The following ME1 variants were observed in gnomAD, a reference collection of about 807,000 sequenced individuals.
ME1 encodes NADP-dependent malic enzyme.
In ME1, 74 loss-of-function variants were observed where a neutral mutation model predicts 66.4. The observed-to-expected ratio is 1.11, with a 90% CI of 0.92 to 1.35. The LOEUF (loss-of-function observed/expected upper bound fraction) is 1.35. Among genes scored for constraint, ME1 ranks in the 40% most tolerant of loss-of-function variants. The pLI, the probability that ME1 is intolerant of heterozygous loss-of-function variation, is 0.00. For synonymous variants in ME1, 251 were observed against 235.6 expected, an observed-to-expected ratio of 1.07 and a Z score of -0.60; for missense variants, 750 against 694.1, an observed-to-expected ratio of 1.08 and a Z score of -0.90.
intron 3 of ME1, among the ~76,000 whole-genome samples, chr6:83,357,931 CTCTCTATATATATATATA>C (rs1768926112): frequency 1.9e-5 from 1 of 51,758 alleles, no homozygotes; most frequent in South Asian, 8.4e-4. Context: ...CTCTCTCTCT[CTCTCTATATATATATATA>C]TATATATATA....
intron 6 of ME1, among the ~76,000 whole-genome samples, chr6:83,270,365 C>A (rs1046534382): frequency 6.6e-6 from 1 of 151,966 alleles, no homozygotes; most frequent in African/African-American, 2.4e-5. Flanking sequence ...ACGATCTACT[C>A]CACATAAAAA....
Position 83,393,053 on chromosome 6 carries a change from G to A in ME1, c.362+5314C>T, listed in dbSNP as rs1440479916. ...CCTCTACTGGTGCTGCCAAGGCTGT[G>A]AGGAAGGTCATCCCTGAGCTAAACG... On this transcript the variant is annotated intron_variant, in intron 3 of 13. Coordinates refer to ENST00000369705, the MANE Select transcript of ME1 (RefSeq NM_002395.6). The A allele has an allele frequency of 5.8e-6, 8 of 1,389,904 alleles. No individual in the cohort carries two copies. The Admixed American group carries it at 1.1e-4, about 19-fold the overall frequency. The allele number at this position is 1,389,904 out of a possible 1,614,324, so 86.1% of individuals were successfully genotyped here. A position where few individuals can be genotyped will look rare whatever the true frequency, so the allele number is the denominator to read the frequency against.
At chr6:83,365,786 T>A (rs1769091431) in intron 3 of ME1, among the ~76,000 whole-genome samples, 1 of 152,162 alleles carries the variant, frequency 6.6e-6, no homozygotes, top group Admixed American at 6.5e-5. Flanking sequence ...GAGATTCAGC[T>A]TCTAGCTATC....
chr6:83,357,935 CTATATATATATATATA>C (rs60624497), intron 3 of ME1, among the ~76,000 whole-genome samples: 131 of 30,046 alleles, frequency 4.4e-3, no homozygotes, highest in African/African-American at 0.015. Flanking sequence ...CTCTCTCTCT[CTATATATATATATATA>C]TATATATATA....
intron 12 of ME1, among the ~76,000 whole-genome samples, chr6:83,221,761 G>T (rs1790095435): frequency 6.6e-6 from 1 of 151,626 alleles, no homozygotes. Context: ...AAAAAGAGAA[G>T]AAAAAACTGG....
rs189434017 is a variant in ME1 at position 83,328,530 on chromosome 6, T to A, written c.601-13117A>T. 3.4e-3 allele frequency among the ~76,000 whole-genome samples: 511 copies of A among 152,312 alleles called. 3 individuals are homozygous for A. The highest frequency in any genetic ancestry group is 0.011 in the African/African-American group (468 of 41,562). ...AGTTTTTTTAATTTCATAATTTTAA[T>A]TAAGATAATCAAGGCTTGAATAATT... On this transcript the variant is annotated intron_variant, in intron 5 of 13. Transcript: ENST00000369705.
At chr6:83,359,217 C>T (rs137982573) in intron 3 of ME1, among the ~76,000 whole-genome samples, 11 of 152,258 alleles carry the variant, frequency 7.2e-5, no homozygotes, top group African/African-American at 2.4e-4. Flanking sequence ...TGGGCAGAGG[C>T]GCTCAAGATA....
intron 9 of ME1, among the ~76,000 whole-genome samples, chr6:83,237,340 G>GGAAAGAAAGAAAAAGAAAGAAA (rs1214894509): frequency 3.4e-5 from 4 of 118,998 alleles, no homozygotes; most frequent in Non-Finnish European, 6.8e-5. Context: ...AAGGAAGGAA[G>GGAAAGAAAGAAAAAGAAAGAAA]GAAAGAAAGA....
chr6:83,224,917 C>T (rs916650706), intron 11 of ME1, among the ~76,000 whole-genome samples: 2 of 151,052 alleles, frequency 1.3e-5, no homozygotes, highest in African/African-American at 4.9e-5. Context: ...AAGGCATGAA[C>T]TTGGCTGGGC....
At chr6:83,321,106 G>C (rs116736584) in intron 5 of ME1, among the ~76,000 whole-genome samples, 4,153 of 152,246 alleles carry the variant, frequency 0.027, 199 homozygotes, top group African/African-American at 0.092. Context: ...TGCCCTGAGC[G>C]ACTATGCACT....
chr6:83,347,201 C>A (rs1768705077), intron 4 of ME1, among the ~76,000 whole-genome samples: 1 of 152,206 alleles, frequency 6.6e-6, no homozygotes, highest in South Asian at 2.1e-4. Context: ...ATCCACCCGT[C>A]TCAGCCTTCC....
chr6:83,290,625 T>C (rs1234735351), intron 6 of ME1, among the ~76,000 whole-genome samples: 1 of 152,182 alleles, frequency 6.6e-6, no homozygotes. Flanking sequence ...GAGAGTTCTG[T>C]AGATGTCTAT....
At position 83,364,196 on chromosome 6, in the gene ME1, G is replaced by GA. The variant is rs542051210; in HGVS notation, c.363-12058dup. ...AGCATGGCTAGAATATAAGCAGGCA[G>GA]AAAAATGTCAAAAGAGAGACTGGCC... is the stretch of plus-strand genomic sequence containing the variant. On this transcript the variant is annotated intron_variant, in intron 3 of 13. Coordinates refer to ENST00000369705, the MANE Select transcript of ME1 (RefSeq NM_002395.6). 4.9e-3 allele frequency among the ~76,000 whole-genome samples: 748 copies of GA among 152,218 alleles called. 3 individuals are homozygous for GA. Among genetic ancestry groups the GA allele is most frequent in the Middle Eastern group, 0.02 (6 of 294 alleles).
chr6:83,331,453 G>A (rs965477494), intron 5 of ME1, among the ~76,000 whole-genome samples: 4 of 151,946 alleles, frequency 2.6e-5, no homozygotes, highest in African/African-American at 9.7e-5. Flanking sequence ...CGGGCGTGGT[G>A]GTGGGCGCCT....
rs1790216081 is a variant in ME1, at chr6:83,227,345, T to C, written c.1265A>G (p.Lys422Arg). ...ATAGTTTTACTTTACCTTGGTTATTTTGTAGCACTGCTCTGCAGAACATTC... is the reference window on the plus strand; with the variant it reads ...ATAGTTTTACTTTACCTTGGTTATTCTGTAGCACTGCTCTGCAGAACATTC... ...KAECSAEQCYKITKGRAIFAS... is the reference protein window; with the variant it reads ...KAECSAEQCYRITKGRAIFAS... Residue 422 changes from lysine to arginine, a missense_variant, in exon 11 of 14, where the codon AAA becomes AGA. Physicochemically the swap from Lys to Arg is conservative, Grantham distance 26. Coordinates refer to ENST00000369705, the MANE Select transcript of ME1 (RefSeq NM_002395.6). 3.9e-6 allele frequency: 6 copies of C among 1,550,124 alleles called. No homozygotes were observed. The highest frequency in any genetic ancestry group is 3.6e-5 in the Admixed American group (2 of 55,068).
intron 3 of ME1, among the ~76,000 whole-genome samples, chr6:83,388,006 G>A (rs915158200): frequency 1.3e-5 from 2 of 151,712 alleles, no homozygotes; most frequent in South Asian, 2.1e-4. Context: ...TTGGAAGTCC[G>A]AAACACATTT....
chr6:83,224,307 A>T (rs922967486), intron 11 of ME1, among the ~76,000 whole-genome samples: 12 of 152,212 alleles, frequency 7.9e-5, no homozygotes, highest in African/African-American at 2.7e-4. Flanking sequence ...TATTGAAAAT[A>T]ATGATATTTT....
chr6:83,367,356 A>T (rs1769117682), intron 3 of ME1, among the ~76,000 whole-genome samples: 1 of 152,148 alleles, frequency 6.6e-6, no homozygotes, highest in Admixed American at 6.5e-5. Flanking sequence ...CACCAGCTGC[A>T]TTTGGCCTTA....
At chr6:83,242,316 GA>G (rs1790526209) in intron 7 of ME1, among the ~76,000 whole-genome samples, 1 of 152,118 alleles carries the variant, frequency 6.6e-6, no homozygotes, top group South Asian at 2.1e-4. Context: ...TTTTATCAAA[GA>G]ATAGCCTCTA....
Sources: allele counts gnomAD v4.1 joint callset (sites outside exome capture counted in the v4.1 genomes callset), GRCh38; gene constraint gnomAD v4.1.1; transcripts MANE v1.5; gene names NCBI Gene and HGNC (gene_info 2026-07-23, HGNC 2026-07-21).